The following RELN variants were observed in gnomAD, a reference collection of about 807,000 sequenced individuals.
RELN encodes reelin.
A neutral mutation model predicts 427.6 loss-of-function variants in RELN; 108 were observed. The observed-to-expected ratio is 0.25, with a 90% CI of 0.22 to 0.30. The LOEUF is 0.30. RELN is among the 10% of genes least tolerant of loss of function. The probability of loss-of-function intolerance (pLI) is 1.00; values close to 1 mark genes in which losing one functional copy is unlikely to be tolerated. For missense variants in RELN, 3,715 were observed against 4,302.8 expected, an observed-to-expected ratio of 0.86 and a Z score of 3.82; for synonymous variants, 1,524 against 1,513.4, an observed-to-expected ratio of 1.01 and a Z score of -0.16.
chr7:103,810,873 C>T (rs904132061), intron 3 of RELN, among the ~76,000 whole-genome samples: 12 of 152,052 alleles, frequency 7.9e-5, no homozygotes, highest in African/African-American at 1.2e-4. Flanking sequence ...TGTTTGCTTC[C>T]AAACAAGAAA....
chr7:103,772,527 G>C (rs990527007), intron 4 of RELN, among the ~76,000 whole-genome samples: 8 of 152,174 alleles, frequency 5.3e-5, no homozygotes, highest in Admixed American at 1.3e-4. Context: ...TGTGCCTTGA[G>C]AATTCTGTAG....
intron 2 of RELN, among the ~76,000 whole-genome samples, chr7:103,845,210 G>A (rs1404883910): frequency 1.4e-5 from 2 of 147,166 alleles, no homozygotes; most frequent in Admixed American, 6.8e-5. Flanking sequence ...TTTTTTTATT[G>A]TTGTTGTTGA....
intron 6 of RELN, among the ~76,000 whole-genome samples, chr7:103,747,063 C>G (rs1790856524): frequency 1.3e-5 from 2 of 152,128 alleles, no homozygotes; most frequent in East Asian, 1.9e-4. Context: ...CACATATACA[C>G]CATGGAATAC....
At chr7:103,565,622 T>C (rs1830734282) in intron 33 of RELN, 71 bp from the exon 34 acceptor site, 1 of 1,482,160 alleles carries the variant, frequency 6.7e-7, no homozygotes, top group Non-Finnish European at 9.3e-7. Context: ...ATGCTTATAA[T>C]AAACATCTTC....
intron 1 of RELN, among the ~76,000 whole-genome samples, chr7:103,984,237 G>T (rs1223874693): frequency 1.3e-5 from 2 of 151,386 alleles, no homozygotes; most frequent in African/African-American, 4.9e-5. Context: ...AGTCAAAAAT[G>T]CTGACTTTAA....
rs1262711164 is a variant in RELN at position 103,539,063 on chromosome 7, A to G, written c.7180+15T>C. ...CCCACATGCCTGTCCCTCTATCTGGAGACGGCATACTCACCATAACAAGAG... is the reference window on the plus strand; with the variant it reads ...CCCACATGCCTGTCCCTCTATCTGGGGACGGCATACTCACCATAACAAGAG... On this transcript the variant is annotated intron_variant, in intron 45 of 64. Transcript: ENST00000428762. 11 of 1,613,548 alleles carry G rather than the reference A, an allele frequency of 6.8e-6. No individual in the cohort carries two copies. In the Admixed American group the frequency reaches 1.8e-4, roughly 27 times the overall value.
intron 2 of RELN, among the ~76,000 whole-genome samples, chr7:103,912,891 A>G (rs993195227): frequency 6.6e-6 from 1 of 152,038 alleles, no homozygotes; most frequent in Non-Finnish European, 1.5e-5. Flanking sequence ...TTGAGCTGGA[A>G]TTCAAAGTCA....
At chr7:103,917,546 A>C (rs913474655) in intron 1 of RELN, among the ~76,000 whole-genome samples, 2 of 120,490 alleles carry the variant, frequency 1.7e-5, no homozygotes, top group Non-Finnish European at 1.8e-5. Flanking sequence ...CATTATGATA[A>C]AATGCTTTTT....
chr7:103,575,133 G>T (rs1439161548), intron 29 of RELN, among the ~76,000 whole-genome samples: 2 of 152,210 alleles, frequency 1.3e-5, no homozygotes, highest in Non-Finnish European at 2.9e-5. Context: ...GCAACTCCCA[G>T]CTGAATGATC....
At chr7:103,677,452 T>A (rs979746349) in intron 11 of RELN, among the ~76,000 whole-genome samples, 25 of 124,884 alleles carry the variant, frequency 2.0e-4, no homozygotes, top group Non-Finnish European at 2.9e-4. Flanking sequence ...ATAATAATAA[T>A]AAAAAGAACA....
rs747224446 is a variant in RELN at position 103,503,078 on chromosome 7, T to G, written c.8427A>C (p.Val2809=). The change falls in exon 52 of 65, where the codon GTA becomes GTC. Residue 2809 remains valine (V), a synonymous_variant. Coordinates refer to ENST00000428762, the MANE Select transcript of RELN (RefSeq NM_005045.4). The part of the protein sequence containing the change: ...KCSGSVSQPS[V]FFPTKGWKRI... Reference sequence around the variant, plus strand: ...TTTTCCACCCTTTAGTTGGAAAGAATACAGATGGCTGAGAAACACTTCCAG... The same window carrying G: ...TTTTCCACCCTTTAGTTGGAAAGAAGACAGATGGCTGAGAAACACTTCCAG... 2.5e-6 allele frequency: 4 copies of G among 1,614,056 alleles called. No individual in the cohort carries two copies. The African/African-American group carries it at 5.3e-5, about 22-fold the overall frequency.
At chr7:103,927,761 G>C (rs1289859656) in intron 1 of RELN, among the ~76,000 whole-genome samples, 1 of 152,064 alleles carries the variant, frequency 6.6e-6, no homozygotes, top group East Asian at 1.9e-4. Context: ...TTTCAATATA[G>C]CTATAAGACA....
chr7:103,637,591 C>T (rs1832609902), intron 17 of RELN, among the ~76,000 whole-genome samples: 1 of 152,090 alleles, frequency 6.6e-6, no homozygotes, highest in Non-Finnish European at 1.5e-5. Flanking sequence ...GCCTAAAATG[C>T]TAAGAACTAC....
At position 103,670,964 on chromosome 7, in the gene RELN, T is replaced by C. The variant is rs147837701; in HGVS notation, c.1290-9437A>G. Among the ~76,000 whole-genome samples the C allele has an allele frequency of 1.0e-3, 155 of 152,200 alleles. 1 individual carries two copies. Among genetic ancestry groups the C allele is most frequent in the African/African-American group, 3.6e-3 (148 of 41,556 alleles). On this transcript the variant is annotated intron_variant, in intron 11 of 64. Transcript: ENST00000428762. ...TAAGATCCAGAATAAAGCCTGGCTA[T>C]AAGATCCTATATTGACCAAATTCAT...
At chr7:103,957,474 TTCGTGGCAATCTCG>T (rs1796456349) in intron 1 of RELN, among the ~76,000 whole-genome samples, 1 of 152,210 alleles carries the variant, frequency 6.6e-6, no homozygotes, top group Admixed American at 6.5e-5. Context: ...TAATTTCACC[TTCGTGGCAATCTCG>T]TATTATAGAG....
chr7:103,892,832 T>C (rs142130252), intron 2 of RELN, among the ~76,000 whole-genome samples: 72 of 152,294 alleles, frequency 4.7e-4, no homozygotes, highest in African/African-American at 1.7e-3. Flanking sequence ...GAAATTCCTG[T>C]AGGCATGTAG....
At chr7:103,977,310 C>CAAAAAAAAAAAAAAAAAAAA (rs201026012) in intron 1 of RELN, among the ~76,000 whole-genome samples, 21 of 88,262 alleles carry the variant, frequency 2.4e-4, no homozygotes, top group African/African-American at 1.0e-3. Context: ...GACTCTGTCT[C>CAAAAAAAAAAAAAAAAAAAA]AAAAAAAAAA....
Position 103,773,323 on chromosome 7 carries a change from C to G in RELN, c.544+3234G>C, listed in dbSNP as rs1227508917. On this transcript the variant is annotated intron_variant, in intron 4 of 64. Transcript: ENST00000428762. ...TCTCTCCCTCCCTCGCTCCCTCCGT[C>G]TCTCTCTCTCCCTCGCTTCCTCTCT... Among the ~76,000 whole-genome samples, 181 of 62,846 alleles carry G rather than the reference C, an allele frequency of 2.9e-3. 3 individuals are homozygous for G. Among genetic ancestry groups the G allele is most frequent in the Non-Finnish European group, 3.7e-3 (124 of 33,802 alleles). 41.2% of individuals were successfully genotyped at this position (62,846 alleles called of 152,430 possible). A position where few individuals can be genotyped will look rare whatever the true frequency, so the allele number is the denominator to read the frequency against.
intron 1 of RELN, among the ~76,000 whole-genome samples, chr7:103,967,448 C>T (rs1024514756): frequency 6.6e-6 from 1 of 152,070 alleles, no homozygotes; most frequent in Non-Finnish European, 1.5e-5. Flanking sequence ...CAGGACAACC[C>T]TAGAGCAGTG....
Sources: gnomAD v4.1 joint callset for allele counts (sites outside exome capture counted in the v4.1 genomes callset) on GRCh38, gnomAD v4.1.1 for gene constraint, MANE v1.5 for transcripts, NCBI Gene and HGNC (gene_info 2026-07-23, HGNC 2026-07-21) for gene names.